CPE: variants seen among roughly 807,000 people sequenced by gnomAD.
CPE encodes carbocypeptidase E.
A neutral mutation model predicts 53.5 loss-of-function variants in CPE; 17 were observed. The observed-to-expected ratio is 0.32, with a 90% CI of 0.22 to 0.48. The LOEUF is 0.48. Ranked by LOEUF, CPE falls within the 20% of genes least tolerant of loss-of-function variation. CPE has a pLI of 0.99. For synonymous variants in CPE, 226 were observed against 228.8 expected, an observed-to-expected ratio of 0.99 and a Z score of 0.11; for missense variants, 524 against 614.7, an observed-to-expected ratio of 0.85 and a Z score of 1.56.
At chr4:165,436,878 A>G (rs989304991) in intron 1 of CPE, among the ~76,000 whole-genome samples, 2 of 152,226 alleles carry the variant, frequency 1.3e-5, no homozygotes, top group Non-Finnish European at 1.5e-5. Flanking sequence ...AAAAGCTTCT[A>G]CTTTGCCCTC....
intron 6 of CPE, among the ~76,000 whole-genome samples, chr4:165,489,727 T>C (rs1732568528): frequency 6.6e-6 from 1 of 152,216 alleles, no homozygotes; most frequent in African/African-American, 2.4e-5. Flanking sequence ...CACGTCTTCT[T>C]ACCATCAGGA....
intron 1 of CPE, among the ~76,000 whole-genome samples, chr4:165,414,110 A>T (rs1402041962): frequency 1.3e-5 from 2 of 152,220 alleles, no homozygotes; most frequent in Non-Finnish European, 2.9e-5. Context: ...CCAAAAATAA[A>T]ATCCATGAAG....
At chr4:165,391,954 A>C (rs1162238275) in intron 1 of CPE, among the ~76,000 whole-genome samples, 1 of 151,996 alleles carries the variant, frequency 6.6e-6, no homozygotes, top group Non-Finnish European at 1.5e-5. Context: ...AGCTAGTAAA[A>C]AATCATTCAC....
intron 1 of CPE, among the ~76,000 whole-genome samples, chr4:165,463,415 T>C (rs947637301): frequency 1.3e-5 from 2 of 152,158 alleles, no homozygotes; most frequent in African/African-American, 4.8e-5. Context: ...TAACCTTCCG[T>C]ATGGGCTAGA....
At chr4:165,450,781 A>G (rs541609667) in intron 1 of CPE, among the ~76,000 whole-genome samples, 1 of 152,312 alleles carries the variant, frequency 6.6e-6, no homozygotes, top group East Asian at 1.9e-4. Flanking sequence ...AGCATTTATA[A>G]TGAATCTTGG....
At chr4:165,405,438 T>G in intron 1 of CPE, 1 of 871,802 alleles carries the variant, frequency 1.1e-6, no homozygotes, top group South Asian at 1.3e-5. Context: ...ATTCCAGTCT[T>G]TACCACATCA....
At chr4:165,399,873 G>T (rs766652615) in intron 1 of CPE, among the ~76,000 whole-genome samples, 1 of 151,930 alleles carries the variant, frequency 6.6e-6, no homozygotes, top group Non-Finnish European at 1.5e-5. Context: ...GGAGAGAAGA[G>T]AATTCTAGGA....
chr4:165,389,300 T>A (rs915257988), intron 1 of CPE, among the ~76,000 whole-genome samples: 16 of 152,338 alleles, frequency 1.1e-4, no homozygotes, highest in African/African-American at 3.8e-4. Context: ...CTATTTATAT[T>A]TATAGATTTC....
chr4:165,449,745 C>CT lies in CPE; in HGVS notation c.308-14635dup, dbSNP rs1049950269. Among the ~76,000 whole-genome samples, 648 of 148,292 alleles carry CT rather than the reference C, an allele frequency of 4.4e-3. 4 individuals carry two copies. The highest frequency in any genetic ancestry group is 0.014 in the African/African-American group (585 of 40,544). ...TAATTATCTTCCCAGAAGAGAAATTCTTTTTTTTTTCTGGGTTTGGGGCAC... is the reference window on the plus strand; with the variant it reads ...TAATTATCTTCCCAGAAGAGAAATTCTTTTTTTTTTTCTGGGTTTGGGGCAC... On this transcript the variant is annotated intron_variant, in intron 1 of 8. Transcript: ENST00000402744.
At chr4:165,402,637 A>G (rs1394326197) in intron 1 of CPE, among the ~76,000 whole-genome samples, 1 of 152,196 alleles carries the variant, frequency 6.6e-6, no homozygotes, top group Non-Finnish European at 1.5e-5. Context: ...ACCATGAGTG[A>G]GAGCTCCCTG....
intron 1 of CPE, among the ~76,000 whole-genome samples, chr4:165,390,460 C>A (rs1209147865): frequency 3.3e-5 from 5 of 152,190 alleles, no homozygotes; most frequent in Admixed American, 3.3e-4. Flanking sequence ...AATGTATGAG[C>A]TGCAGAAAAC....
At chr4:165,402,463 T>C (rs1003747948) in intron 1 of CPE, among the ~76,000 whole-genome samples, 1 of 152,218 alleles carries the variant, frequency 6.6e-6, no homozygotes, top group Non-Finnish European at 1.5e-5. Context: ...ATGCCCAGTG[T>C]TGGAGACGGA....
At chr4:165,431,793 G>A (rs1731413029) in intron 1 of CPE, among the ~76,000 whole-genome samples, 1 of 152,090 alleles carries the variant, frequency 6.6e-6, no homozygotes, top group African/African-American at 2.4e-5. Flanking sequence ...GTGATAAGGA[G>A]CCACAGAGTA....
At position 165,379,317 on chromosome 4, in the gene CPE, G is replaced by A; in HGVS notation, c.96G>A (p.Ala32=). Residue 32 remains alanine, a synonymous_variant, in exon 1 of 9, where the codon GCG becomes GCA. Transcript: ENST00000402744. This position sits in a 1 kb window ranked among gnomAD's most constrained non-coding sequence, Gnocchi z 6.0. ...LLGAEAQEPG[A]PAAGMRRRRR... Reference sequence around the variant, plus strand: ...GCGCCGAAGCCCAGGAGCCCGGGGCGCCCGCGGCGGGCATGAGGCGGCGCC... The same window carrying A: ...GCGCCGAAGCCCAGGAGCCCGGGGCACCCGCGGCGGGCATGAGGCGGCGCC... The A allele has an allele frequency of 6.4e-7, 1 of 1,559,000 alleles. No individual in the cohort carries two copies. Among genetic ancestry groups the A allele is most frequent in the Non-Finnish European group, 8.6e-7 (1 of 1,157,590 alleles).
chr4:165,485,387 AG>A (rs1732491185), intron 5 of CPE, among the ~76,000 whole-genome samples: 1 of 152,316 alleles, frequency 6.6e-6, no homozygotes, highest in South Asian at 2.1e-4. Context: ...AGCTAATTGA[AG>A]GGTATTGGTA....
At position 165,467,673 on chromosome 4, in the gene CPE, C is replaced by CT. The variant is rs754217127; in HGVS notation, c.505-3dup. ...AGCAACTAATGATTTTTCTCTTTGA[C>CT]TTTTTTTTTTTTAGCCTGGTGAACT... On this transcript the variant is annotated splice_polypyrimidine_tract_variant and intron_variant, in intron 2 of 8. Coordinates refer to ENST00000402744, the MANE Select transcript of CPE (RefSeq NM_001873.4). The CT allele has an allele frequency of 0.023, 27,518 of 1,195,554 alleles. 24 individuals carry two copies. The highest frequency in any genetic ancestry group is 0.046 in the African/African-American group (2,909 of 63,068). 74.1% of individuals were successfully genotyped at this position (1,195,554 alleles called of 1,614,324 possible). A position where few individuals can be genotyped will look rare whatever the true frequency, so the allele number is the denominator to read the frequency against.
chr4:165,467,907 T>C (rs1198353025), intron 3 of CPE, 52 bp downstream of exon 3: 5 of 1,570,356 alleles, frequency 3.2e-6, no homozygotes, highest in African/African-American at 1.4e-5. Flanking sequence ...TAAGGAAATA[T>C]GTTCCAATAT....
intron 1 of CPE, among the ~76,000 whole-genome samples, chr4:165,425,578 G>A (rs77767473): frequency 6.6e-6 from 1 of 151,340 alleles, no homozygotes; most frequent in Non-Finnish European, 1.5e-5. Context: ...AAATATTTTG[G>A]CAAATTTACT....
chr4:165,465,871 G>A (rs1732088616), intron 2 of CPE, among the ~76,000 whole-genome samples: 1 of 152,100 alleles, frequency 6.6e-6, no homozygotes, highest in South Asian at 2.1e-4. Context: ...GTGATTTACA[G>A]AGGCAATGAA....
Sources: gnomAD v4.1 joint callset for allele counts (sites outside exome capture counted in the v4.1 genomes callset) on GRCh38, gnomAD v4.1.1 for gene constraint, Gnocchi (gnomAD v3.1) non-coding constraint, MANE v1.5 for transcripts, NCBI Gene and HGNC (gene_info 2026-07-23, HGNC 2026-07-21) for gene names.